Variants in ZNF385B observed in about 807,000 individuals in gnomAD.
The protein encoded by ZNF385B is zinc finger protein 533.
In ZNF385B, 23 loss-of-function variants were observed where a neutral mutation model predicts 39.2. That is an observed-to-expected ratio of 0.59 (90% CI 0.42 to 0.83). The LOEUF (loss-of-function observed/expected upper bound fraction) is 0.83. ZNF385B is among the 40% of genes least tolerant of loss of function. The pLI is 0.00. For missense variants in ZNF385B, 552 were observed against 598.9 expected (o/e 0.92, Z 0.82); for synonymous variants, 205 against 222.6 (o/e 0.92, Z 0.70).
At chr2:179,729,025 T>C (rs975404102) in intron 3 of ZNF385B, among the ~76,000 whole-genome samples, 4 of 149,634 alleles carry the variant, frequency 2.7e-5, no homozygotes, top group African/African-American at 9.9e-5. Context: ...TCTAATGACA[T>C]AGTGAAGTAA....
At chr2:179,573,692 A>AAT (rs1207477772) in intron 3 of ZNF385B, among the ~76,000 whole-genome samples, 1 of 152,122 alleles carries the variant, frequency 6.6e-6, no homozygotes, top group Non-Finnish European at 1.5e-5. Flanking sequence ...AATAGAAATC[A>AAT]ATACTCTGTA....
At chr2:179,550,246 G>A (rs974858529) in intron 3 of ZNF385B, among the ~76,000 whole-genome samples, 1 of 149,368 alleles carries the variant, frequency 6.7e-6, no homozygotes, top group African/African-American at 2.5e-5. Flanking sequence ...TCTCCTGGAG[G>A]GAAGCAAAGT....
intron 1 of ZNF385B, among the ~76,000 whole-genome samples, chr2:179,856,355 T>C (rs1356583403): frequency 6.6e-6 from 1 of 152,060 alleles, no homozygotes; most frequent in Non-Finnish European, 1.5e-5. Flanking sequence ...CTCCTCCTTC[T>C]GCCCCACGTG....
At chr2:179,755,445 G>T (rs535404912) in intron 3 of ZNF385B, among the ~76,000 whole-genome samples, 1 of 152,258 alleles carries the variant, frequency 6.6e-6, no homozygotes, top group South Asian at 2.1e-4. Context: ...ATGTCTATTA[G>T]GTCTGCTTGG....
At chr2:179,524,590 A>G (rs986753396) in intron 4 of ZNF385B, among the ~76,000 whole-genome samples, 6 of 137,070 alleles carry the variant, frequency 4.4e-5, no homozygotes, top group African/African-American at 1.6e-4. Context: ...AAAAAAAAAA[A>G]TTTAAAGTCA....
chr2:179,807,935 A>AAAGAAAGAAAGG (rs1706482875), intron 1 of ZNF385B, among the ~76,000 whole-genome samples: 1 of 151,236 alleles, frequency 6.6e-6, no homozygotes, highest in Admixed American at 6.6e-5. Flanking sequence ...AGAAAGAAGG[A>AAAGAAAGAAAGG]AGGAAGGAAG....
At position 179,524,551 on chromosome 2, in the gene ZNF385B, C is replaced by CAAAAA. The variant is rs770219234; in HGVS notation, c.442-5918_442-5914dup. 3.8e-4 allele frequency among the ~76,000 whole-genome samples: 23 copies of CAAAAA among 60,990 alleles called. 3 individuals are homozygous for CAAAAA. Among genetic ancestry groups the CAAAAA allele is most frequent in the African/African-American group, 1.7e-3 (22 of 12,896 alleles). The allele number at this position is 60,990 out of a possible 152,430, so 40.0% of individuals were successfully genotyped here. ...TGGGTGACAGAGCGAGACTCCGTCT[C>CAAAAA]AAAAAAAAAAAAAAAAAAAAAAAAA... On this transcript the variant is annotated intron_variant, in intron 4 of 9. Coordinates refer to ENST00000410066, the MANE Select transcript of ZNF385B (RefSeq NM_152520.6).
intron 3 of ZNF385B, among the ~76,000 whole-genome samples, chr2:179,598,239 T>C (rs1385015793): frequency 6.6e-6 from 1 of 152,194 alleles, no homozygotes; most frequent in Non-Finnish European, 1.5e-5. Context: ...GTTTTCTTAA[T>C]ATTCCTGAGA....
intron 1 of ZNF385B, among the ~76,000 whole-genome samples, chr2:179,843,578 C>T (rs1282443552): frequency 6.6e-6 from 1 of 152,218 alleles, no homozygotes; most frequent in Non-Finnish European, 1.5e-5. Context: ...CTCTCTTTTC[C>T]AAATCTTCAA....
At chr2:179,668,876 A>G (rs1009292204) in intron 3 of ZNF385B, among the ~76,000 whole-genome samples, 2 of 152,196 alleles carry the variant, frequency 1.3e-5, no homozygotes, top group South Asian at 2.1e-4. Flanking sequence ...GGGTTTTCCA[A>G]CTAAAAGGAA....
At chr2:179,530,451 G>C (rs995731862) in intron 4 of ZNF385B, among the ~76,000 whole-genome samples, 1 of 152,116 alleles carries the variant, frequency 6.6e-6, no homozygotes, top group Non-Finnish European at 1.5e-5. Context: ...GGCTTTCTAA[G>C]AGACTAGAGG....
At chr2:179,677,444 A>G (rs1348822420) in intron 3 of ZNF385B, among the ~76,000 whole-genome samples, 2 of 152,234 alleles carry the variant, frequency 1.3e-5, no homozygotes, top group Non-Finnish European at 2.9e-5. Flanking sequence ...CACAAATGTC[A>G]CAATGTTGGT....
intron 1 of ZNF385B, among the ~76,000 whole-genome samples, chr2:179,838,209 T>C (rs1031656992): frequency 6.6e-6 from 1 of 152,162 alleles, no homozygotes; most frequent in Non-Finnish European, 1.5e-5. Flanking sequence ...AATAAAATGA[T>C]AAACATTTCT....
Position 179,553,052 on chromosome 2 carries a change from G to C in ZNF385B, c.299-8083C>G, listed in dbSNP as rs149074206. On this transcript the variant is annotated intron_variant, in intron 3 of 9. Transcript: ENST00000410066. The stretch of plus-strand genomic sequence containing the variant: ...GCCAGAATTACAACCCAGGCTATTT[G>C]ACTTCTGAATTCTGCTTTTCACTAC... Among the ~76,000 whole-genome samples, 12 of 149,106 alleles carry C rather than the reference G, an allele frequency of 8.0e-5. No homozygotes were observed. The East Asian group carries it at 2.3e-3, about 29-fold the overall frequency.
At chr2:179,560,716 TG>T (rs2061277283) in intron 3 of ZNF385B, among the ~76,000 whole-genome samples, 1 of 152,206 alleles carries the variant, frequency 6.6e-6, no homozygotes, top group Non-Finnish European at 1.5e-5. Flanking sequence ...TACCTGTCTG[TG>T]TGCCTCTTTC....
intron 3 of ZNF385B, among the ~76,000 whole-genome samples, chr2:179,598,883 A>C (rs1217743660): frequency 2.0e-5 from 3 of 152,164 alleles, no homozygotes; most frequent in Non-Finnish European, 4.4e-5. Context: ...TGGAAACAAA[A>C]AGGATTTGTT....
intron 3 of ZNF385B, among the ~76,000 whole-genome samples, chr2:179,664,588 C>T (rs1214173984): frequency 6.6e-6 from 1 of 152,092 alleles, no homozygotes; most frequent in Non-Finnish European, 1.5e-5. Flanking sequence ...ATGTTCATTA[C>T]ATTATGTATA....
chr2:179,843,529 G>C (rs1708650272), intron 1 of ZNF385B, among the ~76,000 whole-genome samples: 1 of 152,074 alleles, frequency 6.6e-6, no homozygotes, highest in Non-Finnish European at 1.5e-5. Flanking sequence ...TTGTGACATA[G>C]GTATATACCA....
chr2:179,621,681 G>T (rs1288189825), intron 3 of ZNF385B, among the ~76,000 whole-genome samples: 2 of 152,124 alleles, frequency 1.3e-5, no homozygotes, highest in African/African-American at 4.8e-5. Flanking sequence ...TAGGTGAGAG[G>T]GCACATAAGA....
Sources: allele counts gnomAD v4.1 joint callset (sites outside exome capture counted in the v4.1 genomes callset), GRCh38; gene constraint gnomAD v4.1.1; transcripts MANE v1.5; gene names NCBI Gene and HGNC (gene_info 2026-07-23, HGNC 2026-07-21).